The following DGKB variants were observed in gnomAD, a reference collection of about 807,000 sequenced individuals.
DGKB encodes the protein diacylglycerol kinase beta, also known as 90 kDa diacylglycerol kinase.
DGKB carries 67 observed loss-of-function variants against 114.3 expected under a neutral mutation model. The observed-to-expected ratio is 0.59, with a 90% CI of 0.48 to 0.72. The LOEUF is 0.72. DGKB is among the 30% of genes least tolerant of loss of function. The probability of loss-of-function intolerance (pLI) is 0.00; values close to 1 mark genes in which losing one functional copy is unlikely to be tolerated. For synonymous variants in DGKB, 398 were observed against 323.1 expected, an observed-to-expected ratio of 1.23 and a Z score of -2.49; for missense variants, 907 against 975.2, an observed-to-expected ratio of 0.93 and a Z score of 0.93.
At chr7:14,879,821 G>A (rs1209527189) in intron 1 of DGKB, among the ~76,000 whole-genome samples, 2 of 152,142 alleles carry the variant, frequency 1.3e-5, no homozygotes, top group African/African-American at 2.4e-5. Context: ...TCCAGAAACT[G>A]TGCAAAATGA....
chr7:14,282,311 G>A (rs1298334457), intron 23 of DGKB, among the ~76,000 whole-genome samples: 1 of 131,470 alleles, frequency 7.6e-6, no homozygotes, highest in African/African-American at 2.9e-5. Context: ...GACTAAACCA[G>A]GAAGAAGTTG....
At chr7:14,403,083 T>C (rs1312414980) in intron 21 of DGKB, among the ~76,000 whole-genome samples, 1 of 151,958 alleles carries the variant, frequency 6.6e-6, no homozygotes, top group Non-Finnish European at 1.5e-5. Context: ...TATATGTATA[T>C]ACATACATAG....
At chr7:14,515,667 A>T (rs141284515) in intron 20 of DGKB, among the ~76,000 whole-genome samples, 456 of 152,328 alleles carry the variant, frequency 3.0e-3, no homozygotes, top group African/African-American at 0.01. Flanking sequence ...CACTGTTGTA[A>T]TCTGACAAAC....
chr7:14,488,827 G>A (rs1236814800), intron 20 of DGKB, among the ~76,000 whole-genome samples: 6 of 125,612 alleles, frequency 4.8e-5, no homozygotes, highest in Non-Finnish European at 6.5e-5. Flanking sequence ...GCAAGACTCC[G>A]TCTCCAAAAA....
intron 21 of DGKB, among the ~76,000 whole-genome samples, chr7:14,441,050 T>C (rs1830018386): frequency 6.6e-6 from 1 of 152,142 alleles, no homozygotes; most frequent in African/African-American, 2.4e-5. Context: ...AGAGTCTTGC[T>C]CTGTCGCCCA....
chr7:14,381,410 C>G (rs569589621), intron 21 of DGKB, among the ~76,000 whole-genome samples: 5 of 152,258 alleles, frequency 3.3e-5, no homozygotes, highest in African/African-American at 1.2e-4. Flanking sequence ...ATCATGCAGA[C>G]TGCTTGGCAT....
Position 14,149,132 on chromosome 7 carries a change from T to A in DGKB, c.2411A>T (p.Ter804LeuextTer13). 1 of 1,612,672 alleles carries A rather than the reference T, an allele frequency of 6.2e-7. No individual in the cohort carries two copies. Among genetic ancestry groups the A allele is most frequent in the Non-Finnish European group, 8.5e-7 (1 of 1,178,778 alleles). Residue 804 changes from the stop codon to leucine (L), a stop_lost, in exon 26 of 26, where the codon TAA becomes TTA. Coordinates refer to ENST00000402815, the MANE Select transcript of DGKB (RefSeq NM_001350709.2). ...TTCTAAGAGTGAAACAACACAGGAT[T>A]ATTCCTTGCTTCGGTTTCTTGTCCT... ...VKRTRNRSKE[*>L] is the part of the protein sequence containing the mutation.
At chr7:14,633,933 T>C (rs1176278642) in intron 13 of DGKB, among the ~76,000 whole-genome samples, 1 of 151,530 alleles carries the variant, frequency 6.6e-6, no homozygotes, top group African/African-American at 2.4e-5. Flanking sequence ...ATATCTCTTG[T>C]CTTCATATTT....
intron 23 of DGKB, among the ~76,000 whole-genome samples, chr7:14,288,233 A>AATT (rs1801190579): frequency 1.3e-5 from 1 of 78,076 alleles, no homozygotes; most frequent in East Asian, 3.7e-4. Context: ...TTTTTTTTTT[A>AATT]ATTTTTTTTT....
intron 20 of DGKB, among the ~76,000 whole-genome samples, chr7:14,509,629 C>A (rs565009055): frequency 6.6e-6 from 1 of 152,260 alleles, no homozygotes; most frequent in Non-Finnish European, 1.5e-5. Flanking sequence ...GTTCCTCCCC[C>A]TCTCATCTGC....
chr7:14,652,806 A>G (rs1392412410), intron 13 of DGKB, among the ~76,000 whole-genome samples: 1 of 152,172 alleles, frequency 6.6e-6, no homozygotes, highest in Non-Finnish European at 1.5e-5. Flanking sequence ...CAAATTCACA[A>G]GAAAAAAACA....
At chr7:14,971,649 T>C (rs1480176944) in intron 1 of DGKB, among the ~76,000 whole-genome samples, 3 of 152,064 alleles carry the variant, frequency 2.0e-5, no homozygotes, top group African/African-American at 7.2e-5. Flanking sequence ...AAATTAAACG[T>C]ATCAAATGCA....
chr7:14,535,989 G>A (rs182684359), intron 20 of DGKB, among the ~76,000 whole-genome samples: 16 of 151,970 alleles, frequency 1.1e-4, no homozygotes, highest in South Asian at 8.3e-4. Flanking sequence ...TACAACCAAC[G>A]CCACAGAAAT....
At chr7:14,580,298 T>A (rs946318707) in intron 19 of DGKB, among the ~76,000 whole-genome samples, 17 of 152,192 alleles carry the variant, frequency 1.1e-4, no homozygotes, top group Non-Finnish European at 1.5e-4. Flanking sequence ...CCTATAATGA[T>A]CATCTGTTTA....
chr7:14,198,257 TG>T (rs1465609326), intron 23 of DGKB, among the ~76,000 whole-genome samples: 3 of 151,896 alleles, frequency 2.0e-5, no homozygotes, highest in African/African-American at 7.2e-5. Flanking sequence ...AAAACTAAGG[TG>T]AGAAGAAAAA....
At chr7:14,900,115 G>A (rs1256512078) in intron 1 of DGKB, among the ~76,000 whole-genome samples, 3 of 152,138 alleles carry the variant, frequency 2.0e-5, no homozygotes, top group Non-Finnish European at 2.9e-5. Flanking sequence ...CTACTCATTC[G>A]TTGTGTGACG....
At chr7:14,512,851 G>T (rs1045627507) in intron 20 of DGKB, among the ~76,000 whole-genome samples, 1 of 152,060 alleles carries the variant, frequency 6.6e-6, no homozygotes, top group Non-Finnish European at 1.5e-5. Context: ...AAACCTGAAA[G>T]AGCTTATTTG....
intron 23 of DGKB, among the ~76,000 whole-genome samples, chr7:14,185,508 A>G (rs1783273953): frequency 6.6e-6 from 1 of 151,810 alleles, no homozygotes; most frequent in Non-Finnish European, 1.5e-5. Context: ...ACAGAATTAG[A>G]AAAAAAAATT....
intron 4 of DGKB, chr7:14,750,275 T>C (rs1044141089): frequency 6.6e-6 from 3 of 457,310 alleles, no homozygotes; most frequent in East Asian, 6.8e-5. Context: ...TTCCCACTGG[T>C]TTATCAGTAT....
Sources: gnomAD v4.1 joint callset for allele counts (sites outside exome capture counted in the v4.1 genomes callset) on GRCh38, gnomAD v4.1.1 for gene constraint, MANE v1.5 for transcripts, NCBI Gene and HGNC (gene_info 2026-07-23, HGNC 2026-07-21) for gene names.